The following CRK variants were observed in gnomAD, a reference collection of about 807,000 sequenced individuals.
The protein encoded by CRK is CRK proto-oncogene, adaptor protein.
CRK carries 4 observed loss-of-function variants against 29.8 expected under a neutral mutation model. That is an observed-to-expected ratio of 0.13 (90% confidence interval 0.07 to 0.31). The LOEUF (loss-of-function observed/expected upper bound fraction) is 0.31, where lower values mean the gene tolerates loss of function less well. CRK is among the 10% of genes least tolerant of loss of function. CRK has a pLI of 1.00. For missense variants in CRK, 274 were observed against 396.5 expected (o/e 0.69, Z 2.62); for synonymous variants, 153 against 164.9 (o/e 0.93, Z 0.55).
At chr17:1,426,799 T>G (rs956510371) in intron 2 of CRK, among the ~76,000 whole-genome samples, 3 of 151,364 alleles carry the variant, frequency 2.0e-5, no homozygotes, top group Admixed American at 6.6e-5. Context: ...GAAGAGGAGG[T>G]TGCAGTGAGC....
chr17:1,451,744 C>T (rs893235322), intron 1 of CRK, among the ~76,000 whole-genome samples: 1 of 151,396 alleles, frequency 6.6e-6, no homozygotes, highest in African/African-American at 2.4e-5. Context: ...AACACAAGGC[C>T]GAGGTGGGCG....
rs963070048 is a variant in CRK at position 1,427,586 on chromosome 17, C to CA, written c.778-3937dup. Among the ~76,000 whole-genome samples the CA allele has an allele frequency of 4.5e-4, 68 of 151,948 alleles. 1 individual carries two copies. Among genetic ancestry groups the CA allele is most frequent in the African/African-American group, 1.5e-3 (64 of 41,496 alleles). On this transcript the variant is annotated intron_variant, in intron 2 of 2. Transcript: ENST00000300574. The stretch of plus-strand genomic sequence containing the variant: ...CCAGCCTGGGTAACAGAGCGAGACT[C>CA]AGTCTCAAATAAATAAATAAATACC...
intron 2 of CRK, among the ~76,000 whole-genome samples, chr17:1,427,465 C>T (rs1264275384): frequency 5.9e-5 from 9 of 151,634 alleles, no homozygotes; most frequent in Admixed American, 2.0e-4. Flanking sequence ...TGCTGGCGGG[C>T]GCCTGTAGTC....
rs1436553666 is a variant in CRK at position 1,421,705 on chromosome 17, CTG to C, written c.*1806_*1807del. On this transcript the variant is annotated 3_prime_UTR_variant, in exon 3 of 3. Transcript: ENST00000300574. ...ACTCAGACAAATACGTGCACACTGA[CTG>C]TGTGTCAGACAGTGTGCCGGTCACT... 2.0e-5 allele frequency: 3 copies of C among 152,216 alleles called. No individual in the cohort carries two copies. Among genetic ancestry groups the C allele is most frequent in the Non-Finnish European group, 2.9e-5 (2 of 68,040 alleles). 9.4% of individuals were successfully genotyped at this position (152,216 alleles called of 1,614,324 possible). A position where few individuals can be genotyped will look rare whatever the true frequency, so the allele number is the denominator to read the frequency against.
chr17:1,448,870 A>C (rs750022866), intron 1 of CRK, among the ~76,000 whole-genome samples: 2 of 151,588 alleles, frequency 1.3e-5, no homozygotes, highest in Non-Finnish European at 2.9e-5. Context: ...GGATCTCTTT[A>C]TTTTTTTCTC....
At chr17:1,446,080 G>A (rs903662614) in intron 1 of CRK, among the ~76,000 whole-genome samples, 1 of 152,116 alleles carries the variant, frequency 6.6e-6, no homozygotes, top group Admixed American at 6.6e-5. Flanking sequence ...ATCTTAATAA[G>A]CCTAACTCTG....
intron 2 of CRK, among the ~76,000 whole-genome samples, chr17:1,427,114 A>G (rs571634859): frequency 2.6e-4 from 38 of 144,888 alleles, no homozygotes; most frequent in African/African-American, 9.4e-4. Flanking sequence ...CAATAGCAAG[A>G]CTGTGTCTCT....
chr17:1,441,780 G>A (rs2073936978), intron 1 of CRK, among the ~76,000 whole-genome samples: 1 of 152,054 alleles, frequency 6.6e-6, no homozygotes, highest in African/African-American at 2.4e-5. Flanking sequence ...GTGAGCCACT[G>A]TGCCCGGCCC....
intron 1 of CRK, among the ~76,000 whole-genome samples, chr17:1,447,607 C>CTT (rs34998406): frequency 0.013 from 1,548 of 117,790 alleles, 43 homozygotes; most frequent in African/African-American, 0.032. Context: ...TTCTCTTTTC[C>CTT]TTTTTTTTTT....
chr17:1,433,409 C>A (rs1216876256), intron 2 of CRK, among the ~76,000 whole-genome samples: 1 of 151,868 alleles, frequency 6.6e-6, no homozygotes, highest in Non-Finnish European at 1.5e-5. Context: ...TACAGAGAGG[C>A]AGCACAGGAG....
At chr17:1,454,742 T>C (rs1435601248) in intron 1 of CRK, among the ~76,000 whole-genome samples, 1 of 152,188 alleles carries the variant, frequency 6.6e-6, no homozygotes, top group Non-Finnish European at 1.5e-5. Flanking sequence ...GCACGAGGAC[T>C]CCTGATGCTG....
chr17:1,441,711 A>G (rs1448137158), intron 1 of CRK, among the ~76,000 whole-genome samples: 4 of 150,716 alleles, frequency 2.7e-5, no homozygotes, highest in East Asian at 4.0e-4. Flanking sequence ...AGGCTGGTCT[A>G]CAACTCCTGA....
At chr17:1,453,297 A>C (rs1351891874) in intron 1 of CRK, among the ~76,000 whole-genome samples, 1 of 152,216 alleles carries the variant, frequency 6.6e-6, no homozygotes, top group Non-Finnish European at 1.5e-5. Flanking sequence ...GTAAGTGTTG[A>C]GACATAAAAT....
At chr17:1,448,278 AC>A (rs998685920) in intron 1 of CRK, among the ~76,000 whole-genome samples, 78 of 152,052 alleles carry the variant, frequency 5.1e-4, no homozygotes, top group African/African-American at 1.8e-3. Context: ...TGTGTGCCTC[AC>A]CCCCGACTCT....
At position 1,456,217 on chromosome 17, in the gene CRK, C is replaced by G; in HGVS notation, c.-100G>C. 6.9e-6 allele frequency: 9 copies of G among 1,305,422 alleles called. No individual in the cohort carries two copies. The highest frequency in any genetic ancestry group is 1.6e-5 in the African/African-American group (1 of 64,210). 80.9% of individuals were successfully genotyped at this position (1,305,422 alleles called of 1,614,324 possible). On this transcript the variant is annotated 5_prime_UTR_variant, in exon 1 of 3. Transcript: ENST00000300574. ...CGGACCGGCTCCGGTTTCAGCTTCA[C>G]AGCAGCGCCCGAAATGGCGGCGGCA...
At chr17:1,431,091 C>CAAACAAAT (rs917621713) in intron 2 of CRK, among the ~76,000 whole-genome samples, 8 of 151,616 alleles carry the variant, frequency 5.3e-5, no homozygotes, top group Admixed American at 1.3e-4. Flanking sequence ...AACAAACAAA[C>CAAACAAAT]AAATTAACCC....
intron 1 of CRK, among the ~76,000 whole-genome samples, chr17:1,443,847 C>G (rs1323235894): frequency 4.6e-5 from 7 of 151,466 alleles, no homozygotes; most frequent in African/African-American, 1.7e-4. Flanking sequence ...TTATAGGCAC[C>G]CGCCACCACG....
chr17:1,428,059 CA>C (rs551676610), intron 2 of CRK, among the ~76,000 whole-genome samples: 113 of 151,842 alleles, frequency 7.4e-4, no homozygotes, highest in Non-Finnish European at 1.3e-3. Context: ...AGAACCATAC[CA>C]ATTTCTCAAA....
chr17:1,433,503 G>A (rs1021899745), intron 2 of CRK, among the ~76,000 whole-genome samples: 2 of 132,312 alleles, frequency 1.5e-5, no homozygotes, highest in Non-Finnish European at 1.6e-5. Flanking sequence ...ACACCACCAC[G>A]CCTGGCTTTT....
Sources: gnomAD v4.1 joint callset for allele counts (sites outside exome capture counted in the v4.1 genomes callset) on GRCh38, gnomAD v4.1.1 for gene constraint, MANE v1.5 for transcripts, NCBI Gene and HGNC (gene_info 2026-07-23, HGNC 2026-07-21) for gene names.